Variants in DGKE observed in about 807,000 individuals in gnomAD.
DGKE encodes the protein DAG kinase epsilon.
Under a neutral mutation model 70.0 loss-of-function variants are expected in DGKE, and 53 were observed. The observed-to-expected ratio is 0.76, with a 90% CI of 0.61 to 0.95. The LOEUF is 0.95. DGKE is among the 40% of genes least tolerant of loss of function. DGKE has a pLI of 0.00. For synonymous variants in DGKE, 291 were observed against 257.0 expected (o/e 1.13, Z -1.27); for missense variants, 655 against 706.9 (o/e 0.93, Z 0.83).
chr17:56,861,688 C>T (rs1045463024), intron 9 of DGKE, 103 bp from the exon 10 acceptor site: 1 of 1,478,198 alleles, frequency 6.8e-7, no homozygotes, highest in Admixed American at 2.1e-5. Context: ...ACATGTGCAT[C>T]TCTCATATAT....
chr17:56,849,680 A>G (rs1227094453), intron 7 of DGKE, among the ~76,000 whole-genome samples: 2 of 152,248 alleles, frequency 1.3e-5, no homozygotes, highest in South Asian at 2.1e-4. Context: ...AGAATTAATC[A>G]ATACTTGACA....
At chr17:56,846,533 C>T (rs1208555668) in intron 4 of DGKE, among the ~76,000 whole-genome samples, 2 of 152,086 alleles carry the variant, frequency 1.3e-5, no homozygotes, top group African/African-American at 2.4e-5. Flanking sequence ...GACTTGTTCA[C>T]TTCAAATGGG....
In DGKE at chr17:56,844,086, G is replaced by C; in HGVS notation, c.532G>C (p.Asp178His). ...MKNSLKNEKC[D>H]FGEFKNLIIP... ...AAATAGTTTAAAGAATGAAAAATGT[G>C]ATTTTGGAGAATTCAAAAACCTAAT... is the stretch of plus-strand genomic sequence containing the variant. The change falls in exon 3 of 12, where the codon GAT (aspartate) becomes CAT (histidine). Residue 178 changes from aspartate to histidine, a missense_variant. Transcript: ENST00000284061. 4.4e-6 allele frequency: 7 copies of C among 1,582,896 alleles called. No individual in the cohort carries two copies. Among genetic ancestry groups the C allele is most frequent in the Non-Finnish European group, 6.0e-6 (7 of 1,168,702 alleles).
intron 7 of DGKE, among the ~76,000 whole-genome samples, chr17:56,856,175 GA>G (rs1907940157): frequency 6.6e-6 from 1 of 152,088 alleles, no homozygotes; most frequent in African/African-American, 2.4e-5. Flanking sequence ...TAGAAGCTGA[GA>G]GCTTGGAGGC....
At chr17:56,841,996 T>C (rs1907011698) in intron 2 of DGKE, among the ~76,000 whole-genome samples, 1 of 152,074 alleles carries the variant, frequency 6.6e-6, no homozygotes, top group Non-Finnish European at 1.5e-5. Flanking sequence ...TGGGACAGGG[T>C]CAGATAAATT....
rs1907143128 is a variant in DGKE, at chr17:56,844,017, A to G, written c.465-2A>G. The G allele has an allele frequency of 2.0e-6, 3 of 1,538,238 alleles. No individual in the cohort carries two copies. The highest frequency in any genetic ancestry group is 2.6e-6 in the Non-Finnish European group (3 of 1,150,400). On this transcript the variant is annotated splice_acceptor_variant, in intron 2 of 11. Transcript: ENST00000284061. LOFTEE classifies it high-confidence loss of function. The stretch of plus-strand genomic sequence containing the variant: ...TTAATGCTTGTTTCTTCCTTCCCTC[A>G]GGTGCATTTGGTGCCAGAAAACAGT...
rs551649354 is a variant in DGKE, at chr17:56,835,155, G to A, written c.360G>A (p.Leu120=). Residue 120 remains leucine (L), a synonymous_variant, in exon 2 of 12, where the codon CTG becomes CTA. Coordinates refer to ENST00000284061, the MANE Select transcript of DGKE (RefSeq NM_003647.3). ...EIMLKNDTKV[L]DAMPHHWIRG... is the part of the protein sequence containing the mutation. ...TGCTCAAGAATGACACCAAGGTCCT[G>A]GACGCCATGCCCCACCACTGGATCC... 5 of 1,614,126 alleles carry A rather than the reference G, an allele frequency of 3.1e-6. 1 individual carries two copies. The South Asian group carries it at 5.5e-5, about 18-fold the overall frequency.
In DGKE at chr17:56,867,195, T is replaced by TC. The variant is rs1908555906; in HGVS notation, c.*4404_*4405insC. The TC allele has an allele frequency of 6.6e-6, 1 of 152,240 alleles. No homozygotes were observed. Among genetic ancestry groups the TC allele is most frequent in the South Asian group, 2.1e-4 (1 of 4,826 alleles). The allele number at this position is 152,240 out of a possible 1,614,324, so 9.4% of individuals were successfully genotyped here. A position where few individuals can be genotyped will look rare whatever the true frequency, so the allele number is the denominator to read the frequency against. The stretch of plus-strand genomic sequence containing the variant: ...TTCCAGGGTTCTGGGGAAAGAATTT[T>TC]AAAATGCCATCCTCTAATACAGACG... On this transcript the variant is annotated 3_prime_UTR_variant, in exon 12 of 12. Transcript: ENST00000284061.
chr17:56,849,774 T>C (rs943746032), intron 7 of DGKE, among the ~76,000 whole-genome samples: 1 of 152,164 alleles, frequency 6.6e-6, no homozygotes, highest in Non-Finnish European at 1.5e-5. Flanking sequence ...GAAATGACTA[T>C]AAGAAAAATA....
rs1470623235 is a variant in DGKE at position 56,867,247 on chromosome 17, G to A, written c.*4456G>A. ...TTATAAAACTTAAATGAAATGATTGGGCTTAACCATATGCAAGAAAGTCTG... is the reference window on the plus strand; with the variant it reads ...TTATAAAACTTAAATGAAATGATTGAGCTTAACCATATGCAAGAAAGTCTG... On this transcript the variant is annotated 3_prime_UTR_variant, in exon 12 of 12. Transcript: ENST00000284061. 1 of 152,046 alleles carries A rather than the reference G, an allele frequency of 6.6e-6. No homozygotes were observed. The highest frequency in any genetic ancestry group is 1.5e-5 in the Non-Finnish European group (1 of 68,004). The allele number at this position is 152,046 out of a possible 1,614,324, so 9.4% of individuals were successfully genotyped here.
intron 7 of DGKE, among the ~76,000 whole-genome samples, 169 bp downstream of exon 7, chr17:56,849,401 A>C (rs1280764192): frequency 6.6e-6 from 1 of 152,188 alleles, no homozygotes; most frequent in Non-Finnish European, 1.5e-5. Context: ...GTGTTATGGG[A>C]GAGAACAGGG....
intron 2 of DGKE, among the ~76,000 whole-genome samples, chr17:56,837,566 C>A (rs1598015206): frequency 6.6e-6 from 1 of 152,272 alleles, no homozygotes; most frequent in Non-Finnish European, 1.5e-5. Flanking sequence ...CTACAGTGTT[C>A]TGAACTGATT....
At position 56,844,196 on chromosome 17, in the gene DGKE, C is replaced by T; in HGVS notation, c.624+18C>T. On this transcript the variant is annotated intron_variant, in intron 3 of 11. Transcript: ENST00000284061. ...ATGAAGTGGTAATTAGAGTTTATTT[C>T]TCTAATATGATTGATTTTTAAAAAG... 7.0e-7 allele frequency: 1 copy of T among 1,432,290 alleles called. No homozygotes were observed. Among genetic ancestry groups the T allele is most frequent in the South Asian group, 1.5e-5 (1 of 67,636 alleles). The allele number at this position is 1,432,290 out of a possible 1,614,324, so 88.7% of individuals were successfully genotyped here. A position where few individuals can be genotyped will look rare whatever the true frequency, so the allele number is the denominator to read the frequency against.
At chr17:56,861,973 C>G (rs1908321134) in intron 10 of DGKE, 55 bp downstream of exon 10, 1 of 1,553,540 alleles carries the variant, frequency 6.4e-7, no homozygotes, top group Middle Eastern at 1.7e-4. Context: ...AAAGCAATCT[C>G]TTGTTTATAG....
chr17:56,852,586 A>G (rs1229230050), intron 7 of DGKE, among the ~76,000 whole-genome samples: 1 of 150,040 alleles, frequency 6.7e-6, no homozygotes, highest in Non-Finnish European at 1.5e-5. Flanking sequence ...AGCTTATTAA[A>G]GTGGATTGCT....
intron 10 of DGKE, 90 bp downstream of exon 10, chr17:56,862,008 T>C (rs1355213256): frequency 6.5e-7 from 1 of 1,536,464 alleles, no homozygotes; most frequent in African/African-American, 1.4e-5. Flanking sequence ...CCTCAAATTT[T>C]CTTTTTTGTG....
chr17:56,854,239 A>T (rs1454635048), intron 7 of DGKE, among the ~76,000 whole-genome samples: 1 of 152,182 alleles, frequency 6.6e-6, no homozygotes. Flanking sequence ...AAGTTCTGCT[A>T]TTGCACAGCT....
intron 3 of DGKE, among the ~76,000 whole-genome samples, chr17:56,845,342 T>C (rs1169145714): frequency 2.6e-5 from 4 of 152,178 alleles, no homozygotes; most frequent in Non-Finnish European, 5.9e-5. Flanking sequence ...TTGAAAGTTA[T>C]AGAAAGACAG....
intron 7 of DGKE, among the ~76,000 whole-genome samples, chr17:56,850,247 C>T (rs1042933804): frequency 6.6e-6 from 1 of 151,710 alleles, no homozygotes; most frequent in African/African-American, 2.4e-5. Flanking sequence ...ACCTCAGCCT[C>T]CGAAGTAGCT....
Sources: gnomAD v4.1 joint callset for allele counts (sites outside exome capture counted in the v4.1 genomes callset) on GRCh38, gnomAD v4.1.1 for gene constraint, MANE v1.5 for transcripts, NCBI Gene and HGNC (gene_info 2026-07-23, HGNC 2026-07-21) for gene names.